Variants in ZAN observed in about 807,000 individuals in gnomAD.
ZAN encodes zonadhesin.
In ZAN, 260 loss-of-function variants were observed where a neutral mutation model predicts 286.2. The ratio of observed to expected loss-of-function variants is 0.91; its 90% confidence interval spans 0.82 to 1.01. ZAN has a LOEUF of 1.01. ZAN is among the 50% of genes least tolerant of loss of function. The pLI is 0.00. For missense variants in ZAN, 3,410 were observed against 3,639.2 expected (o/e 0.94, Z 1.62); for synonymous variants, 1,368 against 1,417.5 (o/e 0.97, Z 0.79).
At chr7:100,784,571 C>T in intron 35 of ZAN, 52 bp from the exon 36 acceptor site, 1 of 1,593,336 alleles carries the variant, frequency 6.3e-7, no homozygotes, top group East Asian at 2.2e-5. Flanking sequence ...CCCCTGCCCA[C>T]CTTGGCCCCC....
chr7:100,792,406 C>T lies in ZAN; in HGVS notation c.7714C>T (p.His2572Tyr). ...CTTCCTGCCCCCTCTCTGCACCAGG[C>T]ACTGCGTGCTGGATCTGTGCTCTGC... ...QTVAPEPFQE[H>Y]CVLDLCSAQD... is the part of the protein sequence containing the mutation. The change falls in exon 42 of 48, where the codon CAC becomes TAC. Residue 2572 changes from histidine (H) to tyrosine (Y), a missense_variant and splice_region_variant. Coordinates refer to ENST00000613979, the MANE Select transcript of ZAN (RefSeq NM_003386.3). 1 of 1,608,680 alleles carries T rather than the reference C, an allele frequency of 6.2e-7. No individual in the cohort carries two copies. Among genetic ancestry groups the T allele is most frequent in the Middle Eastern group, 1.7e-4 (1 of 6,044 alleles).
In ZAN at chr7:100,768,029, C is replaced by G; in HGVS notation, c.5041+18C>G. The G allele has an allele frequency of 1.2e-6, 2 of 1,603,268 alleles. No homozygotes were observed. Reference sequence around the variant, plus strand: ...GCTGTGTGGTGAGTTTCCTGGGCACCTGCGGGGAAAGCTGGGACAATGAGT... The same window carrying G: ...GCTGTGTGGTGAGTTTCCTGGGCACGTGCGGGGAAAGCTGGGACAATGAGT... On this transcript the variant is annotated intron_variant, in intron 26 of 47. Coordinates refer to ENST00000613979, the MANE Select transcript of ZAN (RefSeq NM_003386.3).
rs1810531514 is a variant in ZAN at position 100,773,489 on chromosome 7, ACCCGGTGAGAGG to A, written c.5633_5634+10del. The A allele has an allele frequency of 1.9e-6, 3 of 1,613,008 alleles. No individual in the cohort carries two copies. The highest frequency in any genetic ancestry group is 2.5e-6 in the Non-Finnish European group (3 of 1,179,724). ...TGCACTGACCCAGCGGGCTCCTACCACCCGGTGAGAGGCCAGCTAGGAGGGGCCCCGCCCTTT... is the reference window on the plus strand; with the variant it reads ...TGCACTGACCCAGCGGGCTCCTACCACCAGCTAGGAGGGGCCCCGCCCTTT... On this transcript the variant is annotated splice_donor_variant and splice_donor_5th_base_variant and coding_sequence_variant and intron_variant, in exon 30 of 48. Coordinates refer to ENST00000613979, the MANE Select transcript of ZAN (RefSeq NM_003386.3). LOFTEE classifies it high-confidence loss of function.
rs751687524 is a variant in ZAN at position 100,768,664 on chromosome 7, C to T, written c.5096C>T (p.Ala1699Val). Residue 1699 changes from alanine to valine, a missense_variant, in exon 27 of 48, where the codon GCA (alanine) becomes GTA (valine). Transcript: ENST00000613979. ...AACCTGCGCCCCGACAGAAAGCTTG[C>T]AGGCGATTCCATGCAGCTGGGGGCC... ...DDNLRPDRKL[A>V]GDSMQLGAAW... 12 of 1,610,096 alleles carry T rather than the reference C, an allele frequency of 7.5e-6. No homozygotes were observed. In the East Asian group the frequency reaches 2.2e-4, roughly 30 times the overall value.
rs369681635 is a variant in ZAN, at chr7:100,764,042, C to T, written c.4113C>T (p.His1371=). The T allele has an allele frequency of 1.5e-5, 24 of 1,613,766 alleles. No homozygotes were observed. In the East Asian group the frequency reaches 1.6e-4, roughly 10 times the overall value. Residue 1371 remains histidine, a synonymous_variant, in exon 22 of 48, where the codon CAC becomes CAT. Transcript: ENST00000613979. The part of the protein sequence containing the change: ...THGPFETCLL[H]VKAASFFDSC... ...CTCCCCTCAGGACATGCCTGCTGCA[C>T]GTGAAGGCCGCTTCCTTCTTCGACA...
chr7:100,750,813 C>A lies in ZAN; in HGVS notation c.1438C>A (p.Leu480Ile). The part of the protein sequence containing the change: ...GSPAGSPPIP[L>I]WKRVGSQRPY... Reference sequence around the variant, plus strand: ...TCCTGCGGGGAGTCCCCCGATTCCTCTCTGGAAACGCGTGGGGTCTCAGCG... The same window carrying A: ...TCCTGCGGGGAGTCCCCCGATTCCTATCTGGAAACGCGTGGGGTCTCAGCG... Residue 480 changes from leucine (L) to isoleucine (I), a missense_variant, in exon 12 of 48, where the codon CTC becomes ATC. By Grantham distance (5) the Leu-to-Ile change is conservative. Coordinates refer to ENST00000613979, the MANE Select transcript of ZAN (RefSeq NM_003386.3). 1 of 1,607,340 alleles carries A rather than the reference C, an allele frequency of 6.2e-7. No homozygotes were observed. The highest frequency in any genetic ancestry group is 8.5e-7 in the Non-Finnish European group (1 of 1,175,604).
chr7:100,733,992 G>T (rs752311679), intron 1 of ZAN, 35 bp from the exon 2 acceptor site: 2 of 443,592 alleles, frequency 4.5e-6, no homozygotes, highest in Non-Finnish European at 8.6e-6. Context: ...TCTACTGGAT[G>T]GTAACTTTCA....
At chr7:100,754,239 A>G (rs1808990605) in intron 14 of ZAN, among the ~76,000 whole-genome samples, 1 of 152,104 alleles carries the variant, frequency 6.6e-6, no homozygotes, top group Non-Finnish European at 1.5e-5. Context: ...CGGGCAGATC[A>G]CAAGGTCAGG....
chr7:100,769,156 C>A (rs562815463), intron 27 of ZAN, among the ~76,000 whole-genome samples: 1 of 152,100 alleles, frequency 6.6e-6, no homozygotes, highest in Non-Finnish European at 1.5e-5. Context: ...TGCAGTGGCA[C>A]GATCTCAGCT....
chr7:100,792,113 C>T lies in ZAN; in HGVS notation c.7677C>T (p.Ala2559=). Residue 2559 remains alanine (A), a synonymous_variant, in exon 41 of 48, where the codon GCC becomes GCT. Transcript: ENST00000613979. ...CAGACCCCCAGGGCCCCTTTGCTGC[C>T]TGTCACCAGACGGTGGCCCCAGAGC... ...VLADPQGPFA[A]CHQTVAPEPF... 1.9e-6 allele frequency: 3 copies of T among 1,612,256 alleles called. No individual in the cohort carries two copies. Among genetic ancestry groups the T allele is most frequent in the Non-Finnish European group, 2.5e-6 (3 of 1,179,506 alleles).
chr7:100,754,615 TG>T (rs1809015314), intron 14 of ZAN, among the ~76,000 whole-genome samples: 1 of 151,726 alleles, frequency 6.6e-6, no homozygotes, highest in Non-Finnish European at 1.5e-5. Context: ...GCAACTATCC[TG>T]CCTCAGCCTC....
In ZAN at chr7:100,786,046, C is replaced by T. The variant is rs768337013; in HGVS notation, c.6884C>T (p.Thr2295Met). 186 of 1,613,826 alleles carry T rather than the reference C, an allele frequency of 1.2e-4. No individual in the cohort carries two copies. Among genetic ancestry groups the T allele is most frequent in the Middle Eastern group, 1.6e-4 (1 of 6,084 alleles). The change falls in exon 37 of 48, where the codon ACG becomes ATG. Residue 2295 changes from threonine (T) to methionine (M), a missense_variant. By Grantham distance (81) the Thr-to-Met change is moderately conservative (BLOSUM62 -1). Coordinates refer to ENST00000613979, the MANE Select transcript of ZAN (RefSeq NM_003386.3). ...SSGCTEKCVC[T>M]GGAIQCGDFR... ...GGTTGCACGGAGAAGTGTGTCTGCA[C>T]GGGAGGAGCCATTCAGTGCGGGGAC... is the stretch of plus-strand genomic sequence containing the variant.
intron 45 of ZAN, among the ~76,000 whole-genome samples, chr7:100,796,418 C>G: frequency 7.2e-6 from 1 of 139,714 alleles, no homozygotes; most frequent in South Asian, 2.3e-4. Context: ...GCCCAGGAAT[C>G]TGCTTTTTTT....
chr7:100,770,201 TC>T (rs1303738222), intron 28 of ZAN, among the ~76,000 whole-genome samples: 1 of 151,754 alleles, frequency 6.6e-6, no homozygotes, highest in Non-Finnish European at 1.5e-5. Flanking sequence ...TTTTTTTTTT[TC>T]CTATTAAAAA....
At chr7:100,761,779 A>C (rs1470167635) in intron 19 of ZAN, among the ~76,000 whole-genome samples, 1 of 151,590 alleles carries the variant, frequency 6.6e-6, no homozygotes, top group African/African-American at 2.4e-5. Context: ...TCTACTAAAA[A>C]TACAAAAAAA....
In ZAN at chr7:100,738,570, A is replaced by C; in HGVS notation, c.723A>C (p.Gly241=). The C allele has an allele frequency of 6.6e-7, 1 of 1,517,442 alleles. No individual in the cohort carries two copies. The highest frequency in any genetic ancestry group is 9.1e-7 in the Non-Finnish European group (1 of 1,104,820). The allele number at this position is 1,517,442 out of a possible 1,614,324, so 94.0% of individuals were successfully genotyped here. A position where few individuals can be genotyped will look rare whatever the true frequency, so the allele number is the denominator to read the frequency against. Residue 241 remains glycine (G), a synonymous_variant, in exon 7 of 48, where the codon GGA becomes GGC. Coordinates refer to ENST00000613979, the MANE Select transcript of ZAN (RefSeq NM_003386.3). ...AKWTQKKGSS[G]KPGVGPDGDF... ...GGACTCAGAAGAAAGGGTCATCAGG[A>C]AAGCCAGGCGTGGGGCCTGATGGCG...
chr7:100,786,040 T>C lies in ZAN; in HGVS notation c.6878T>C (p.Val2293Ala). ...WVSSGCTEKCVCTGGAIQCGD... is the reference protein window; with the variant it reads ...WVSSGCTEKCACTGGAIQCGD... ...TCCAGCGGTTGCACGGAGAAGTGTG[T>C]CTGCACGGGAGGAGCCATTCAGTGC... Residue 2293 changes from valine (V) to alanine (A), a missense_variant, in exon 37 of 48, where the codon GTC (valine) becomes GCC (alanine). This residue lies in a region of ZAN where 1,289 missense variants were observed against 1,314.3 expected (regional missense o/e 0.98). Transcript: ENST00000613979. 2 of 1,613,976 alleles carry C rather than the reference T, an allele frequency of 1.2e-6. No individual in the cohort carries two copies. Among genetic ancestry groups the C allele is most frequent in the South Asian group, 1.1e-5 (1 of 91,086 alleles).
intron 41 of ZAN, 47 bp from the exon 42 acceptor site, chr7:100,792,358 C>G: frequency 6.4e-7 from 1 of 1,555,720 alleles, no homozygotes; most frequent in South Asian, 1.2e-5. Flanking sequence ...TGGGTCTCCT[C>G]CCCTCCCCAA....
intron 35 of ZAN, among the ~76,000 whole-genome samples, chr7:100,782,632 G>C (rs960061845): frequency 1.2e-4 from 18 of 151,594 alleles, no homozygotes; most frequent in African/African-American, 3.6e-4. Context: ...TGTCCGGCCT[G>C]CTCTAGAACT....
Sources: allele counts gnomAD v4.1 joint callset (sites outside exome capture counted in the v4.1 genomes callset), GRCh38; gene constraint gnomAD v4.1.1; regional missense constraint gnomAD v4.1.1; transcripts MANE v1.5; gene names NCBI Gene and HGNC (gene_info 2026-07-23, HGNC 2026-07-21).